The following SEC24B variants were observed in gnomAD, a reference collection of about 807,000 sequenced individuals.
SEC24B encodes the protein protein transport protein Sec24B.
SEC24B carries 45 observed loss-of-function variants against 142.8 expected under a neutral mutation model. The observed-to-expected ratio is 0.32, with a 90% CI of 0.25 to 0.40. The LOEUF is 0.40. Among genes scored for constraint, SEC24B ranks in the 10% least tolerant of loss-of-function variants. The pLI, the probability that SEC24B is intolerant of heterozygous loss-of-function variation, is 1.00. For synonymous variants in SEC24B, 574 were observed against 568.2 expected (o/e 1.01, Z -0.15); for missense variants, 1,409 against 1,526.8 (o/e 0.92, Z 1.29).
At chr4:109,505,422 G>A (rs758506223) in intron 6 of SEC24B, among the ~76,000 whole-genome samples, 16 of 152,056 alleles carry the variant, frequency 1.1e-4, no homozygotes, top group Non-Finnish European at 1.6e-4. Flanking sequence ...AAATAATGCT[G>A]TTACCATTAG....
intron 6 of SEC24B, among the ~76,000 whole-genome samples, chr4:109,504,729 T>G (rs1736509094): frequency 6.6e-6 from 1 of 152,180 alleles, no homozygotes; most frequent in South Asian, 2.1e-4. Context: ...GTGAAGTTCC[T>G]CATTAAGCTT....
chr4:109,538,207 A>G (rs1216477271), intron 22 of SEC24B, among the ~76,000 whole-genome samples: 1 of 152,204 alleles, frequency 6.6e-6, no homozygotes, highest in Non-Finnish European at 1.5e-5. Flanking sequence ...GCCACACAAT[A>G]CTGGTGACAT....
intron 7 of SEC24B, among the ~76,000 whole-genome samples, chr4:109,508,877 A>C (rs1737006408): frequency 6.6e-6 from 1 of 152,258 alleles, no homozygotes; most frequent in African/African-American, 2.4e-5. Context: ...AGTTAAATGC[A>C]AAGCACTGTT....
intron 19 of SEC24B, among the ~76,000 whole-genome samples, chr4:109,530,855 C>T (rs1035725732): frequency 2.0e-5 from 3 of 146,842 alleles, no homozygotes; most frequent in East Asian, 2.0e-4. Context: ...AAGATCATGC[C>T]GCTGCACCCC....
chr4:109,538,439 T>C (rs960101211), intron 22 of SEC24B, 54 bp from the exon 23 acceptor site: 6 of 1,210,386 alleles, frequency 5.0e-6, no homozygotes, highest in Non-Finnish European at 7.4e-6. Context: ...TTTGTTCTAT[T>C]ACTGCTGAAG....
chr4:109,494,001 A>G (rs770461164), intron 5 of SEC24B, among the ~76,000 whole-genome samples: 1 of 152,198 alleles, frequency 6.6e-6, no homozygotes, highest in Non-Finnish European at 1.5e-5. Flanking sequence ...TAGTTTTTAT[A>G]TAGATGGTAG....
intron 5 of SEC24B, among the ~76,000 whole-genome samples, chr4:109,492,989 G>A (rs536225602): frequency 1.3e-5 from 2 of 152,044 alleles, no homozygotes; most frequent in South Asian, 2.1e-4. Flanking sequence ...CAAAGTGTTG[G>A]GATAATAGGC....
intron 18 of SEC24B, among the ~76,000 whole-genome samples, chr4:109,528,559 TA>T (rs1724526320): frequency 3.3e-5 from 5 of 152,140 alleles, no homozygotes; most frequent in Admixed American, 6.6e-5. Flanking sequence ...GGGGCAAGTA[TA>T]GGGGGATAAT....
chr4:109,460,849 A>G (rs1045141734), intron 1 of SEC24B, among the ~76,000 whole-genome samples: 25 of 151,624 alleles, frequency 1.6e-4, no homozygotes, highest in African/African-American at 5.3e-4. Context: ...CTTATCAAAG[A>G]TATATAAAGA....
At chr4:109,530,895 CAAAAAAAA>C (rs35997146) in intron 19 of SEC24B, among the ~76,000 whole-genome samples, 40 of 46,348 alleles carry the variant, frequency 8.6e-4, no homozygotes, top group African/African-American at 2.4e-3. Context: ...GACTCCGTCT[CAAAAAAAA>C]AAAAAAAAAA....
In SEC24B at chr4:109,521,420, C is replaced by T. The variant is rs368747974; in HGVS notation, c.2302C>T (p.Leu768Phe). Reference protein sequence around the residue: ...LLVNLYESKELIKDLLNALPN... With the variant: ...LLVNLYESKEFIKDLLNALPN... Reference sequence around the variant, plus strand: ...CAATTTTTGATCTTTGTTTTCTCAGCTTATAAAAGACTTACTGAATGCATT... The same window carrying T: ...CAATTTTTGATCTTTGTTTTCTCAGTTTATAAAAGACTTACTGAATGCATT... Residue 768 changes from leucine (L) to phenylalanine (F), a missense_variant and splice_region_variant, in exon 14 of 24, where the codon CTT becomes TTT. Physicochemically the swap from Leu to Phe is conservative, Grantham distance 22. Around this residue, in one of 2 missense-constraint regions of SEC24B, gnomAD observed 700 missense variants for 853.3 expected, o/e 0.82. Coordinates refer to ENST00000265175, the MANE Select transcript of SEC24B (RefSeq NM_006323.5). 19 of 1,611,408 alleles carry T rather than the reference C, an allele frequency of 1.2e-5. No individual in the cohort carries two copies. The highest frequency in any genetic ancestry group is 8.5e-7 in the Non-Finnish European group (1 of 1,178,070).
intron 2 of SEC24B, among the ~76,000 whole-genome samples, chr4:109,466,197 T>C (rs1269808380): frequency 1.3e-5 from 2 of 152,210 alleles, no homozygotes; most frequent in Admixed American, 6.5e-5. Context: ...CACATATCAC[T>C]GTTTTTCTTA....
At chr4:109,480,263 T>C (rs1460056741) in intron 3 of SEC24B, among the ~76,000 whole-genome samples, 1 of 152,084 alleles carries the variant, frequency 6.6e-6, no homozygotes, top group Admixed American at 6.6e-5. Context: ...TAATCAAGTA[T>C]GCTAGTCACC....
rs778803699 is a variant in SEC24B at position 109,477,869 on chromosome 4, G to T, written c.1061-3808G>T. The stretch of plus-strand genomic sequence containing the variant: ...ATTGACTATATTTTATCATGAAAAG[G>T]TTGTAAAATATTTTATTGCACATGT... On this transcript the variant is annotated intron_variant, in intron 3 of 23. Transcript: ENST00000265175. Among the ~76,000 whole-genome samples, 29 of 151,978 alleles carry T rather than the reference G, an allele frequency of 1.9e-4. 1 individual carries two copies. The highest frequency in any genetic ancestry group is 1.3e-4 in the Admixed American group (2 of 15,246).
At chr4:109,492,368 T>G (rs766897073) in intron 5 of SEC24B, among the ~76,000 whole-genome samples, 2 of 152,144 alleles carry the variant, frequency 1.3e-5, no homozygotes, top group Non-Finnish European at 2.9e-5. Context: ...AACAATCTCT[T>G]ATCAAGATCT....
At chr4:109,459,411 A>G (rs948409757) in intron 1 of SEC24B, among the ~76,000 whole-genome samples, 3 of 152,260 alleles carry the variant, frequency 2.0e-5, no homozygotes, top group African/African-American at 7.2e-5. Context: ...TTGAAGAAAT[A>G]GTACAAAAAA....
intron 6 of SEC24B, among the ~76,000 whole-genome samples, chr4:109,496,700 G>A (rs1263411045): frequency 2.6e-5 from 4 of 152,120 alleles, no homozygotes; most frequent in African/African-American, 4.8e-5. Flanking sequence ...TTTAACCTTA[G>A]AACTAAAGTA....
chr4:109,486,071 T>G (rs1424622124), intron 4 of SEC24B, among the ~76,000 whole-genome samples: 1 of 152,202 alleles, frequency 6.6e-6, no homozygotes, highest in Non-Finnish European at 1.5e-5. Context: ...TAGCACTGTT[T>G]GGAGATAGAG....
intron 8 of SEC24B, among the ~76,000 whole-genome samples, chr4:109,511,350 A>G (rs993338891): frequency 2.0e-5 from 3 of 152,186 alleles, no homozygotes; most frequent in African/African-American, 2.4e-5. Context: ...AAAATTAAAT[A>G]CAAAGATCAA....
Sources: gnomAD v4.1 joint callset for allele counts (sites outside exome capture counted in the v4.1 genomes callset) on GRCh38, gnomAD v4.1.1 for gene constraint, gnomAD v4.1.1 regional missense constraint, MANE v1.5 for transcripts, NCBI Gene and HGNC (gene_info 2026-07-23, HGNC 2026-07-21) for gene names.